PRKD1: variants seen among roughly 807,000 people sequenced by gnomAD.
PRKD1 encodes the protein protein kinase D1.
In PRKD1, 63 loss-of-function variants were observed where a neutral mutation model predicts 95.9. The ratio of observed to expected loss-of-function variants is 0.66; its 90% CI spans 0.54 to 0.81. PRKD1 has a LOEUF of 0.81. PRKD1 is among the 30% of genes least tolerant of loss of function. The pLI, the probability that PRKD1 is intolerant of heterozygous loss-of-function variation, is 0.00. For synonymous variants in PRKD1, 425 were observed against 423.1 expected (o/e 1.00, Z -0.05); for missense variants, 1,048 against 1,165.3 (o/e 0.90, Z 1.47).
At chr14:29,787,357 T>C (rs1184886733) in intron 1 of PRKD1, among the ~76,000 whole-genome samples, 1 of 151,918 alleles carries the variant, frequency 6.6e-6, no homozygotes, top group Non-Finnish European at 1.5e-5. Context: ...GGTTTATATA[T>C]AGTGCAGATT....
chr14:29,799,009 G>T (rs1034583307), intron 1 of PRKD1, among the ~76,000 whole-genome samples: 1 of 152,130 alleles, frequency 6.6e-6, no homozygotes, highest in Non-Finnish European at 1.5e-5. Flanking sequence ...GTACCTCCAC[G>T]ATTTGGCAGC....
At chr14:29,776,765 C>A (rs1444237601) in intron 1 of PRKD1, among the ~76,000 whole-genome samples, 3 of 152,046 alleles carry the variant, frequency 2.0e-5, no homozygotes, top group Non-Finnish European at 4.4e-5. Flanking sequence ...CAAGGCACAC[C>A]AACATTCAAA....
chr14:29,726,840 C>T (rs1212663676), intron 1 of PRKD1, among the ~76,000 whole-genome samples: 1 of 149,234 alleles, frequency 6.7e-6, no homozygotes, highest in African/African-American at 2.5e-5. Flanking sequence ...AGTGTGCTAA[C>T]TAAAAGAAAA....
intron 1 of PRKD1, among the ~76,000 whole-genome samples, chr14:29,815,660 G>A (rs992671492): frequency 6.6e-6 from 1 of 152,164 alleles, no homozygotes; most frequent in African/African-American, 2.4e-5. Context: ...TTTTTCCTAA[G>A]TGACTATTAA....
At chr14:29,650,936 G>A (rs1881453489) in intron 4 of PRKD1, among the ~76,000 whole-genome samples, 1 of 152,186 alleles carries the variant, frequency 6.6e-6, no homozygotes, top group South Asian at 2.1e-4. Flanking sequence ...TTACTTCAAG[G>A]GGTTCACCAA....
rs567891117 is a variant in PRKD1 at position 29,839,104 on chromosome 14, T to A, written c.264+88145A>T. On this transcript the variant is annotated intron_variant, in intron 1 of 17. Transcript: ENST00000331968. ...TCACATCAATAAACGAAAAAAAAAA[T>A]TCCTCGTTTATGCCCTAATTGAAGA... Among the ~76,000 whole-genome samples, 850 of 151,960 alleles carry A rather than the reference T, an allele frequency of 5.6e-3. 2 individuals are homozygous for A. Among genetic ancestry groups the A allele is most frequent in the Middle Eastern group, 0.014 (4 of 292 alleles).
chr14:29,782,042 A>C (rs2139170824), intron 1 of PRKD1, among the ~76,000 whole-genome samples: 1 of 152,328 alleles, frequency 6.6e-6, no homozygotes, highest in Non-Finnish European at 1.5e-5. Flanking sequence ...TATATGCTTT[A>C]CACCCTAATA....
Position 29,927,346 on chromosome 14 carries a change from C to G in PRKD1, c.167G>C (p.Gly56Ala). 6.4e-7 allele frequency: 1 copy of G among 1,567,050 alleles called. No homozygotes were observed. Among genetic ancestry groups the G allele is most frequent in the South Asian group, 1.2e-5 (1 of 85,814 alleles). Reference sequence around the variant, plus strand: ...CAGCAGCACCGGCTCACGGCTCAGGCCGATCTGCAGATGGAACGAGATGCC... The same window carrying G: ...CAGCAGCACCGGCTCACGGCTCAGGGCGATCTGCAGATGGAACGAGATGCC... Reference protein sequence around the residue: ...VGGISFHLQIGLSREPVLLLQ... With the variant: ...VGGISFHLQIALSREPVLLLQ... Residue 56 changes from glycine to alanine, a missense_variant, in exon 1 of 18, where the codon GGC (glycine) becomes GCC (alanine). Around this residue, in one of 3 missense-constraint regions of PRKD1, gnomAD observed 275 missense variants for 248.6 expected, o/e 1.11. Coordinates refer to ENST00000331968, the MANE Select transcript of PRKD1 (RefSeq NM_002742.3).
chr14:29,580,509 C>T (rs189354676), intron 16 of PRKD1, among the ~76,000 whole-genome samples: 1 of 152,036 alleles, frequency 6.6e-6, no homozygotes, highest in Admixed American at 6.6e-5. Flanking sequence ...TGGAAGCACA[C>T]AACAGAAATA....
chr14:29,808,110 G>T (rs1890315633), intron 1 of PRKD1, among the ~76,000 whole-genome samples: 1 of 152,180 alleles, frequency 6.6e-6, no homozygotes, highest in African/African-American at 2.4e-5. Flanking sequence ...GATGCTTTTT[G>T]ATGGCATTTT....
chr14:29,624,260 T>A lies in PRKD1; in HGVS notation c.1799-2A>T. 1 of 1,591,322 alleles carries A rather than the reference T, an allele frequency of 6.3e-7. No homozygotes were observed. The highest frequency in any genetic ancestry group is 8.6e-7 in the Non-Finnish European group (1 of 1,168,288). ...CTCTTCCTGTTTTACGATGTTTTCC[T>A]TTAAAATGAAAAAGGGAAGCATTAG... On this transcript the variant is annotated splice_acceptor_variant, in intron 12 of 17. Coordinates refer to ENST00000331968, the MANE Select transcript of PRKD1 (RefSeq NM_002742.3). LOFTEE classifies it high-confidence loss of function.
At chr14:29,696,048 G>C (rs577392647) in intron 2 of PRKD1, among the ~76,000 whole-genome samples, 34 of 152,136 alleles carry the variant, frequency 2.2e-4, no homozygotes, top group Non-Finnish European at 4.4e-4. Context: ...TCTTACATTA[G>C]TCTTCTTTTG....
intron 2 of PRKD1, among the ~76,000 whole-genome samples, chr14:29,678,671 G>T (rs1883366569): frequency 1.3e-5 from 2 of 152,044 alleles, no homozygotes; most frequent in African/African-American, 4.8e-5. Flanking sequence ...GGGCAAAGAG[G>T]ACATTCCAAT....
intron 1 of PRKD1, among the ~76,000 whole-genome samples, chr14:29,796,915 G>A (rs1369817115): frequency 6.6e-6 from 1 of 152,166 alleles, no homozygotes; most frequent in Non-Finnish European, 1.5e-5. Context: ...GTTAACAGGT[G>A]TAAGAGTTTT....
At chr14:29,692,892 T>C (rs1370623670) in intron 2 of PRKD1, among the ~76,000 whole-genome samples, 2 of 152,200 alleles carry the variant, frequency 1.3e-5, no homozygotes, top group Non-Finnish European at 2.9e-5. Context: ...CTAATATTGA[T>C]TCATTTCATC....
intron 13 of PRKD1, among the ~76,000 whole-genome samples, chr14:29,623,622 T>C (rs965465545): frequency 6.6e-6 from 1 of 152,164 alleles, no homozygotes; most frequent in Admixed American, 6.5e-5. Flanking sequence ...CATTTTATTA[T>C]CAAATTCTGG....
intron 4 of PRKD1, chr14:29,650,335 C>A (rs1881411139): frequency 1.3e-5 from 2 of 152,496 alleles, no homozygotes. Flanking sequence ...GCTCCTGATG[C>A]CATCCAGGAA....
chr14:29,789,302 T>A (rs1306006123), intron 1 of PRKD1, among the ~76,000 whole-genome samples: 1 of 152,208 alleles, frequency 6.6e-6, no homozygotes, highest in African/African-American at 2.4e-5. Context: ...GTGTCACGTT[T>A]CCTTGCTTTT....
Position 29,598,988 on chromosome 14 carries a change from T to G in PRKD1, c.2166+39A>C, listed in dbSNP as rs2273813. On this transcript the variant is annotated intron_variant, in intron 15 of 17. Transcript: ENST00000331968. Reference sequence around the variant, plus strand: ...ATGCTACATGGAAGCTAGCAATGCTTCCAACTGGCTTTTTGCTGAGAGAGG... The same window carrying G: ...ATGCTACATGGAAGCTAGCAATGCTGCCAACTGGCTTTTTGCTGAGAGAGG... 0.41 allele frequency: 619,230 copies of G among 1,528,888 alleles called. 132,879 individuals are homozygous for G. The highest frequency in any genetic ancestry group is 0.77 in the African/African-American group (55,910 of 73,072). The allele number at this position is 1,528,888 out of a possible 1,614,324, so 94.7% of individuals were successfully genotyped here. A position where few individuals can be genotyped will look rare whatever the true frequency, so the allele number is the denominator to read the frequency against.
Sources: gnomAD v4.1 joint callset for allele counts (sites outside exome capture counted in the v4.1 genomes callset) on GRCh38, gnomAD v4.1.1 for gene constraint, gnomAD v4.1.1 regional missense constraint, MANE v1.5 for transcripts, NCBI Gene and HGNC (gene_info 2026-07-23, HGNC 2026-07-21) for gene names.